LPP: variants seen among roughly 807,000 people sequenced by gnomAD.
The protein encoded by LPP is LIM domain containing preferred translocation partner in lipoma, also known as lipoma-preferred partner.
LPP carries 38 observed loss-of-function variants against 60.4 expected under a neutral mutation model. That is an observed-to-expected ratio of 0.63 (90% CI 0.49 to 0.83). LPP has a LOEUF of 0.83. LPP is among the 40% of genes least tolerant of loss of function. The pLI is 0.00. For synonymous variants in LPP, 328 were observed against 290.8 expected (o/e 1.13, Z -1.30); for missense variants, 902 against 783.6 (o/e 1.15, Z -1.80).
At chr3:188,855,635 G>T (rs1377797248) in intron 9 of LPP, among the ~76,000 whole-genome samples, 2 of 152,128 alleles carry the variant, frequency 1.3e-5, no homozygotes, top group East Asian at 3.9e-4. Flanking sequence ...TATTTACTGA[G>T]CTCCTTCTCT....
At chr3:188,184,407 C>A (rs1459740038) in intron 1 of LPP, among the ~76,000 whole-genome samples, 2 of 152,122 alleles carry the variant, frequency 1.3e-5, no homozygotes, top group East Asian at 1.9e-4. Flanking sequence ...CTATCCAGTG[C>A]CAGGGAGTGT....
chr3:188,513,554 A>G (rs962533300), intron 5 of LPP, among the ~76,000 whole-genome samples: 3 of 151,968 alleles, frequency 2.0e-5, no homozygotes, highest in Admixed American at 2.0e-4. Flanking sequence ...TAGATAATAT[A>G]TGTATTGTTC....
chr3:188,388,449 G>C (rs1392937068), intron 3 of LPP, among the ~76,000 whole-genome samples: 1 of 152,178 alleles, frequency 6.6e-6, no homozygotes, highest in Non-Finnish European at 1.5e-5. Flanking sequence ...CTAGCCAGAT[G>C]CTGAGGTGCA....
intron 4 of LPP, among the ~76,000 whole-genome samples, chr3:188,452,002 A>G (rs1160226376): frequency 6.6e-6 from 1 of 152,196 alleles, no homozygotes; most frequent in African/African-American, 2.4e-5. Context: ...GCCCTATTGT[A>G]CACTCATCTC....
intron 4 of LPP, among the ~76,000 whole-genome samples, chr3:188,471,729 G>A (rs1348630514): frequency 6.6e-6 from 1 of 152,102 alleles, no homozygotes; most frequent in Non-Finnish European, 1.5e-5. Flanking sequence ...ATTATTCTGG[G>A]TCTTATTTTA....
intron 8 of LPP, among the ~76,000 whole-genome samples, chr3:188,715,857 G>A (rs1015023087): frequency 6.6e-6 from 1 of 152,178 alleles, no homozygotes; most frequent in Non-Finnish European, 1.5e-5. Context: ...CAAGGCTGAA[G>A]GCAACACTGT....
At chr3:188,739,583 A>C (rs1723701702) in intron 8 of LPP, among the ~76,000 whole-genome samples, 1 of 152,052 alleles carries the variant, frequency 6.6e-6, no homozygotes, top group African/African-American at 2.4e-5. Context: ...ATTCCTTAGG[A>C]GATAAAATTC....
chr3:188,238,042 T>G (rs1182147636), intron 2 of LPP, among the ~76,000 whole-genome samples: 1 of 152,254 alleles, frequency 6.6e-6, no homozygotes, highest in Non-Finnish European at 1.5e-5. Context: ...AGCTTGATCT[T>G]CTGGATAACT....
chr3:188,523,652 T>C (rs1643893727), intron 5 of LPP, among the ~76,000 whole-genome samples: 1 of 152,092 alleles, frequency 6.6e-6, no homozygotes, highest in Non-Finnish European at 1.5e-5. Context: ...TTTTCTAAAC[T>C]CTTTTGCAGA....
chr3:188,187,544 T>G (rs1453137084), intron 1 of LPP, among the ~76,000 whole-genome samples: 4 of 152,158 alleles, frequency 2.6e-5, no homozygotes, highest in Admixed American at 6.5e-5. Flanking sequence ...TAGCATTTTC[T>G]ACCATATCTC....
At chr3:188,736,991 T>C (rs1265851247) in intron 8 of LPP, among the ~76,000 whole-genome samples, 1 of 152,106 alleles carries the variant, frequency 6.6e-6, no homozygotes, top group Non-Finnish European at 1.5e-5. Context: ...ATTAAATTTG[T>C]ATATTCAGTA....
rs561494825 is a variant in LPP at position 188,879,423 on chromosome 3, T to C, written c.*4944T>C. On this transcript the variant is annotated 3_prime_UTR_variant, in exon 12 of 12. Coordinates refer to ENST00000617246, the MANE Select transcript of LPP (RefSeq NM_001375462.1). ...AAGGGGAAGGCTACCAGAAAATATATGTGGCATCCATAAAATCTTCTTTTA... is the reference window on the plus strand; with the variant it reads ...AAGGGGAAGGCTACCAGAAAATATACGTGGCATCCATAAAATCTTCTTTTA... 71 of 212,634 alleles carry C rather than the reference T, an allele frequency of 3.3e-4. 1 individual carries two copies. In the South Asian group the frequency reaches 0.013, roughly 39 times the overall value. 13.2% of individuals were successfully genotyped at this position (212,634 alleles called of 1,614,324 possible).
chr3:188,742,059 C>T (rs1233432657), intron 8 of LPP, among the ~76,000 whole-genome samples: 4 of 152,016 alleles, frequency 2.6e-5, no homozygotes, highest in Admixed American at 2.6e-4. Flanking sequence ...GAAAAATGCT[C>T]AATATATGTA....
intron 7 of LPP, among the ~76,000 whole-genome samples, chr3:188,648,915 T>C (rs1218616936): frequency 1.3e-5 from 2 of 152,222 alleles, no homozygotes; most frequent in African/African-American, 4.8e-5. Context: ...AAAAAATATT[T>C]TTTCTTCCTC....
intron 1 of LPP, among the ~76,000 whole-genome samples, chr3:188,157,515 G>T (rs1394274842): frequency 6.6e-6 from 1 of 152,126 alleles, no homozygotes; most frequent in African/African-American, 2.4e-5. Flanking sequence ...ACAGATATTT[G>T]CTGCATTAAG....
At chr3:188,859,389 AT>A (rs1339145873) in intron 9 of LPP, among the ~76,000 whole-genome samples, 1 of 152,156 alleles carries the variant, frequency 6.6e-6, no homozygotes, top group Non-Finnish European at 1.5e-5. Flanking sequence ...CTCTCTCACC[AT>A]TCATAAGTAA....
chr3:188,204,137 C>T (rs1023693459), intron 1 of LPP, among the ~76,000 whole-genome samples: 1 of 152,132 alleles, frequency 6.6e-6, no homozygotes, highest in Non-Finnish European at 1.5e-5. Context: ...AGGTTTTGCA[C>T]TGAGATTTGG....
intron 9 of LPP, among the ~76,000 whole-genome samples, chr3:188,824,884 C>A (rs1036604780): frequency 6.6e-6 from 1 of 152,100 alleles, no homozygotes; most frequent in Non-Finnish European, 1.5e-5. Flanking sequence ...TGATGACATA[C>A]CAAGCTTTAG....
At chr3:188,656,936 T>G (rs1294520514) in intron 7 of LPP, among the ~76,000 whole-genome samples, 2 of 152,112 alleles carry the variant, frequency 1.3e-5, no homozygotes, top group Admixed American at 1.3e-4. Flanking sequence ...CAATATCCCT[T>G]GTTCTTCCTA....
Sources: gnomAD v4.1 joint callset for allele counts (sites outside exome capture counted in the v4.1 genomes callset) on GRCh38, gnomAD v4.1.1 for gene constraint, MANE v1.5 for transcripts, NCBI Gene and HGNC (gene_info 2026-07-23, HGNC 2026-07-21) for gene names.